Variants in GALNT17 observed in about 807,000 individuals in gnomAD.
The protein encoded by GALNT17 is UDP-GalNAc:polypeptide N-acetylgalactosaminyltransferase-like 3.
A neutral mutation model predicts 63.7 loss-of-function variants in GALNT17; 29 were observed. That is an observed-to-expected ratio of 0.46 (90% CI 0.34 to 0.62). GALNT17 has a LOEUF of 0.62. Among genes scored for constraint, GALNT17 ranks in the 20% least tolerant of loss-of-function variants. The pLI, the probability that GALNT17 is intolerant of heterozygous loss-of-function variation, is 0.01. For missense variants in GALNT17, 603 were observed against 799.6 expected, an observed-to-expected ratio of 0.75 and a Z score of 2.97; for synonymous variants, 305 against 318.3, an observed-to-expected ratio of 0.96 and a Z score of 0.45.
At position 71,155,643 on chromosome 7, in the gene GALNT17, A is replaced by G. The variant is rs897617070; in HGVS notation, c.238+22603A>G. Among the ~76,000 whole-genome samples, 4 of 151,210 alleles carry G rather than the reference A, an allele frequency of 2.6e-5. No individual in the cohort carries two copies. The East Asian group carries it at 7.8e-4, about 29-fold the overall frequency. The stretch of plus-strand genomic sequence containing the variant: ...TCCTTTTTTGTTGCCTACTATTGCT[A>G]CCTCTGAAGACAGCCTGTTTCCATA... On this transcript the variant is annotated intron_variant, in intron 1 of 10. Transcript: ENST00000333538.
chr7:71,252,989 G>T (rs1790227287), intron 1 of GALNT17, among the ~76,000 whole-genome samples: 2 of 152,190 alleles, frequency 1.3e-5, no homozygotes, highest in Non-Finnish European at 2.9e-5. Context: ...TGAGCCATAT[G>T]CCTGTCTGAC....
intron 5 of GALNT17, among the ~76,000 whole-genome samples, chr7:71,508,901 C>A (rs1383375829): frequency 6.6e-6 from 1 of 152,098 alleles, no homozygotes; most frequent in Non-Finnish European, 1.5e-5. Context: ...TGGACACGTT[C>A]TTGTGCGTGC....
intron 1 of GALNT17, among the ~76,000 whole-genome samples, chr7:71,299,572 G>C (rs530268986): frequency 6.6e-6 from 1 of 152,266 alleles, no homozygotes; most frequent in African/African-American, 2.4e-5. Flanking sequence ...GGTGTCTGCT[G>C]TGTGCACGTC....
At chr7:71,607,486 G>T (rs1244462386) in intron 6 of GALNT17, among the ~76,000 whole-genome samples, 2 of 152,178 alleles carry the variant, frequency 1.3e-5, no homozygotes, top group South Asian at 4.1e-4. Flanking sequence ...CAATAAGATA[G>T]AGGAGGGCTT....
chr7:71,248,515 C>T (rs921349458), intron 1 of GALNT17, among the ~76,000 whole-genome samples: 1 of 152,032 alleles, frequency 6.6e-6, no homozygotes, highest in East Asian at 1.9e-4. Flanking sequence ...ACAGATAGGA[C>T]CTGAAAGGAA....
intron 6 of GALNT17, among the ~76,000 whole-genome samples, chr7:71,576,422 A>G (rs951079551): frequency 6.6e-6 from 1 of 152,136 alleles, no homozygotes; most frequent in African/African-American, 2.4e-5. Context: ...TTTTTGAGAA[A>G]TCTCTGAACT....
intron 1 of GALNT17, among the ~76,000 whole-genome samples, chr7:71,321,872 TTCC>T (rs1452185877): frequency 3.8e-3 from 154 of 40,600 alleles, no homozygotes; most frequent in Non-Finnish European, 6.7e-3. Flanking sequence ...CTTCCTTTCC[TTCC>T]TTCCTTCCTT....
At chr7:71,600,189 C>G (rs1425478136) in intron 6 of GALNT17, among the ~76,000 whole-genome samples, 2 of 146,724 alleles carry the variant, frequency 1.4e-5, no homozygotes, top group Non-Finnish European at 3.0e-5. Context: ...AGTGTATAAG[C>G]AGATGTACAG....
At chr7:71,233,738 C>T (rs1395032994) in intron 1 of GALNT17, among the ~76,000 whole-genome samples, 4 of 95,764 alleles carry the variant, frequency 4.2e-5, no homozygotes, top group Admixed American at 3.6e-4. Context: ...TGACCCACAG[C>T]CCTTGGGAGC....
At chr7:71,450,505 T>A (rs1787242277) in intron 5 of GALNT17, among the ~76,000 whole-genome samples, 3 of 152,220 alleles carry the variant, frequency 2.0e-5, no homozygotes, top group Admixed American at 2.0e-4. Flanking sequence ...ATGTGCTTTT[T>A]AAATGAAAAA....
intron 5 of GALNT17, among the ~76,000 whole-genome samples, chr7:71,489,257 A>C (rs1308403575): frequency 5.9e-5 from 9 of 152,090 alleles, no homozygotes; most frequent in Admixed American, 2.6e-4. Context: ...GCCACACTCT[A>C]AGAACCTTCA....
At chr7:71,619,824 A>G (rs1790266401) in intron 6 of GALNT17, among the ~76,000 whole-genome samples, 2 of 151,940 alleles carry the variant, frequency 1.3e-5, no homozygotes, top group African/African-American at 2.4e-5. Flanking sequence ...TTCCAGTACT[A>G]TGTTGAATAG....
chr7:71,649,432 T>C (rs780158074), intron 6 of GALNT17, among the ~76,000 whole-genome samples: 1 of 151,466 alleles, frequency 6.6e-6, no homozygotes, highest in Non-Finnish European at 1.5e-5. Context: ...TGGGATGGAG[T>C]TTTCAGGGGG....
chr7:71,330,812 A>G (rs150730243), intron 1 of GALNT17, among the ~76,000 whole-genome samples: 2 of 152,356 alleles, frequency 1.3e-5, no homozygotes, highest in African/African-American at 2.4e-5. Context: ...CAGAAAAGAA[A>G]AAAGTTTCGC....
At chr7:71,605,584 C>CA (rs527929802) in intron 6 of GALNT17, among the ~76,000 whole-genome samples, 1,105 of 93,798 alleles carry the variant, frequency 0.012, 12 homozygotes, top group East Asian at 0.052. Context: ...GACTCCATCT[C>CA]AAAAAAAAAA....
intron 1 of GALNT17, among the ~76,000 whole-genome samples, chr7:71,320,701 AAATT>A (rs1209569958): frequency 6.6e-6 from 1 of 152,180 alleles, no homozygotes; most frequent in Non-Finnish European, 1.5e-5. Context: ...CAGATTCTAT[AAATT>A]AATTAGAGAT....
chr7:71,217,140 G>GTTTTTTTTTTTTT (rs200574411), intron 1 of GALNT17, among the ~76,000 whole-genome samples: 1 of 95,216 alleles, frequency 1.1e-5, no homozygotes, highest in Non-Finnish European at 2.1e-5. Flanking sequence ...ATTTTTTCGT[G>GTTTTTTTTTTTTT]TTTTGTTTTT....
At chr7:71,631,445 C>T (rs1217638347) in intron 6 of GALNT17, among the ~76,000 whole-genome samples, 3 of 152,136 alleles carry the variant, frequency 2.0e-5, no homozygotes, top group Non-Finnish European at 4.4e-5. Flanking sequence ...CCTTATTGGC[C>T]TCCCAAAGCA....
intron 6 of GALNT17, among the ~76,000 whole-genome samples, chr7:71,646,087 G>A (rs1404346116): frequency 1.3e-5 from 2 of 152,080 alleles, no homozygotes; most frequent in African/African-American, 4.8e-5. Context: ...ACTAGACTTG[G>A]CATTTTGCCT....
Sources: gnomAD v4.1 joint callset for allele counts (sites outside exome capture counted in the v4.1 genomes callset) on GRCh38, gnomAD v4.1.1 for gene constraint, MANE v1.5 for transcripts, NCBI Gene and HGNC (gene_info 2026-07-23, HGNC 2026-07-21) for gene names.